UTRN: variants seen among roughly 807,000 people sequenced by gnomAD.
UTRN encodes the protein utrophin.
A neutral mutation model predicts 463.9 loss-of-function variants in UTRN; 283 were observed. The ratio of observed to expected loss-of-function variants is 0.61; its 90% CI spans 0.55 to 0.67. The LOEUF is 0.67. Ranked by LOEUF, UTRN falls within the 30% of genes least tolerant of loss-of-function variation. UTRN has a pLI of 0.00. For synonymous variants in UTRN, 1,442 were observed against 1,431.5 expected (o/e 1.01, Z -0.17); for missense variants, 3,922 against 4,084.3 (o/e 0.96, Z 1.08).
chr6:144,321,844 C>G (rs1185654648), intron 2 of UTRN, among the ~76,000 whole-genome samples: 1 of 150,866 alleles, frequency 6.6e-6, no homozygotes, highest in African/African-American at 2.4e-5. Flanking sequence ...CCACTCATTG[C>G]AACCTCCGCC....
intron 54 of UTRN, among the ~76,000 whole-genome samples, chr6:144,732,688 GTTATGTTA>G (rs1788860093): frequency 6.6e-6 from 1 of 150,970 alleles, no homozygotes; most frequent in Admixed American, 6.6e-5. Context: ...GTTATGTTAT[GTTATGTTA>G]TGTTATGTTA....
At chr6:144,506,096 T>G (rs1374111410) in intron 34 of UTRN, among the ~76,000 whole-genome samples, 4 of 149,790 alleles carry the variant, frequency 2.7e-5, no homozygotes, top group Non-Finnish European at 5.9e-5. Flanking sequence ...TTTTTTTTTT[T>G]GCTTTCCATT....
chr6:144,298,297 A>G (rs577969031), intron 2 of UTRN, among the ~76,000 whole-genome samples: 9 of 152,280 alleles, frequency 5.9e-5, no homozygotes, highest in Non-Finnish European at 1.2e-4. Context: ...AGAAATTGAA[A>G]CCAGGTCCCA....
chr6:144,664,798 A>G (rs1780220130), intron 51 of UTRN, among the ~76,000 whole-genome samples: 1 of 151,770 alleles, frequency 6.6e-6, no homozygotes, highest in African/African-American at 2.4e-5. Context: ...AAACCTCACA[A>G]ACTGTTTCAA....
chr6:144,606,831 G>A (rs1051728376), intron 51 of UTRN, among the ~76,000 whole-genome samples: 1 of 152,158 alleles, frequency 6.6e-6, no homozygotes, highest in Non-Finnish European at 1.5e-5. Context: ...TAAAAATTTA[G>A]TGAAGTGTAA....
At chr6:144,394,420 A>C (rs1782211285) in intron 2 of UTRN, among the ~76,000 whole-genome samples, 1 of 152,196 alleles carries the variant, frequency 6.6e-6, no homozygotes, top group Non-Finnish European at 1.5e-5. Flanking sequence ...CCACAAGAAC[A>C]GTATGGGGTA....
intron 2 of UTRN, among the ~76,000 whole-genome samples, chr6:144,306,462 G>C (rs79390170): frequency 6.6e-6 from 1 of 151,942 alleles, no homozygotes; most frequent in Non-Finnish European, 1.5e-5. Flanking sequence ...ACATGGTGGT[G>C]GTCTTCAGAT....
chr6:144,398,260 T>C, intron 2 of UTRN: 1 of 265,444 alleles, frequency 3.8e-6, no homozygotes, highest in Non-Finnish European at 7.7e-6. Context: ...CTTTGGAGTT[T>C]CTTAACAACC....
chr6:144,291,222 TGGTTCAACA>T (rs899587001), intron 1 of UTRN, among the ~76,000 whole-genome samples: 1 of 152,234 alleles, frequency 6.6e-6, no homozygotes, highest in Non-Finnish European at 1.5e-5. Context: ...CTTCTTCACC[TGGTTCAACA>T]GGTACACTTG....
intron 51 of UTRN, among the ~76,000 whole-genome samples, chr6:144,585,242 A>G (rs1802355297): frequency 6.6e-6 from 1 of 152,164 alleles, no homozygotes; most frequent in South Asian, 2.1e-4. Flanking sequence ...AATTTCCTAA[A>G]GATACCATGA....
At chr6:144,315,011 C>G (rs546862793) in intron 2 of UTRN, among the ~76,000 whole-genome samples, 1 of 151,820 alleles carries the variant, frequency 6.6e-6, no homozygotes, top group Non-Finnish European at 1.5e-5. Flanking sequence ...TTCATGAGCT[C>G]GAATGGCTTA....
chr6:144,403,000 C>A, intron 2 of UTRN, 123 bp from the exon 3 acceptor site: 1 of 827,902 alleles, frequency 1.2e-6, no homozygotes. Flanking sequence ...CCTCATTGTG[C>A]TCAAGGAGCT....
intron 49 of UTRN, among the ~76,000 whole-genome samples, chr6:144,556,056 T>C: frequency 6.6e-6 from 1 of 152,244 alleles, no homozygotes; most frequent in Non-Finnish European, 1.5e-5. Flanking sequence ...ATGGTATTTT[T>C]AAAAGTGCTT....
chr6:144,444,205 T>A, intron 13 of UTRN, 76 bp from the exon 14 acceptor site: 1 of 1,160,698 alleles, frequency 8.6e-7, no homozygotes. Flanking sequence ...ACAATGGAAA[T>A]CATGAATTTC....
intron 50 of UTRN, among the ~76,000 whole-genome samples, chr6:144,565,622 G>A (rs911556710): frequency 7.9e-5 from 12 of 152,160 alleles, no homozygotes; most frequent in African/African-American, 2.7e-4. Context: ...ATATCTCTTA[G>A]AGGAAATGGA....
At chr6:144,574,812 C>T (rs1585349864) in intron 50 of UTRN, among the ~76,000 whole-genome samples, 1 of 152,152 alleles carries the variant, frequency 6.6e-6, no homozygotes, top group Non-Finnish European at 1.5e-5. Context: ...GAACTCCTGA[C>T]CTCAAGTAAT....
At chr6:144,745,386 G>C (rs1010773226) in intron 54 of UTRN, among the ~76,000 whole-genome samples, 1 of 151,874 alleles carries the variant, frequency 6.6e-6, no homozygotes. Context: ...GTATTTCACA[G>C]ACTTCTAGAA....
At chr6:144,582,851 T>G (rs1469514935) in intron 51 of UTRN, among the ~76,000 whole-genome samples, 1 of 152,142 alleles carries the variant, frequency 6.6e-6, no homozygotes, top group Non-Finnish European at 1.5e-5. Flanking sequence ...TGGGCTGAGA[T>G]CTGTCTGGGG....
At chr6:144,695,234 A>G (rs1783867688) in intron 52 of UTRN, among the ~76,000 whole-genome samples, 1 of 152,110 alleles carries the variant, frequency 6.6e-6, no homozygotes, top group Admixed American at 6.5e-5. Flanking sequence ...ACAGGTATTA[A>G]CTTCTTTGAC....
Sources: allele counts gnomAD v4.1 joint callset (sites outside exome capture counted in the v4.1 genomes callset), GRCh38; gene constraint gnomAD v4.1.1; transcripts MANE v1.5; gene names NCBI Gene and HGNC (gene_info 2026-07-23, HGNC 2026-07-21).